Variants in LAS1L observed in about 807,000 individuals in gnomAD.
LAS1L encodes the protein LAS1 like ribosome biogenesis factor.
A neutral mutation model predicts 57.3 loss-of-function variants in LAS1L; 5 were observed. The ratio of observed to expected loss-of-function variants is 0.09; its 90% CI spans 0.05 to 0.18. The LOEUF (loss-of-function observed/expected upper bound fraction) is 0.18, where lower values mean the gene tolerates loss of function less well. Among genes scored for constraint, LAS1L ranks in the 10% least tolerant of loss-of-function variants. The pLI, the probability that LAS1L is intolerant of heterozygous loss-of-function variation, is 1.00. For synonymous variants in LAS1L, 245 were observed against 231.7 expected (o/e 1.06, Z -0.52); for missense variants, 360 against 568.3 (o/e 0.63, Z 3.73).
At position 65,528,374 on chromosome X, in the gene LAS1L, C is replaced by G; in HGVS notation, c.847-5G>C. The G allele has an allele frequency of 9.0e-7, 1 of 1,110,070 alleles. No individual in the cohort carries two copies. The highest frequency in any genetic ancestry group is 1.2e-6 in the Non-Finnish European group (1 of 817,179). 91.5% of individuals were successfully genotyped at this position (1,110,070 alleles called of 1,213,427 possible). Reference sequence around the variant, plus strand: ...ATACCTAAATTTCTCCAGCACCTGCCAGCAAAGAGGGTCCCATCAGAAGGC... The same window carrying G: ...ATACCTAAATTTCTCCAGCACCTGCGAGCAAAGAGGGTCCCATCAGAAGGC... On this transcript the variant is annotated splice_region_variant and splice_polypyrimidine_tract_variant and intron_variant, in intron 6 of 13. Transcript: ENST00000374811.
intron 10 of LAS1L, 97 bp from the exon 11 acceptor site, chrX:65,523,804 C>T: frequency 6.3e-6 from 6 of 959,766 alleles, no homozygotes; most frequent in African/African-American, 3.9e-5. Flanking sequence ...CCCATCCCCC[C>T]AGACTCCCCA....
At chrX:65,528,212 A>G in intron 7 of LAS1L, 48 bp downstream of exon 7, 1 of 813,248 alleles carries the variant, frequency 1.2e-6, no homozygotes, top group Non-Finnish European at 1.8e-6. Context: ...TGAGGCTGCT[A>G]CCCTCTATCC....
intron 11 of LAS1L, among the ~76,000 whole-genome samples, chrX:65,520,084 C>T (rs1342376597): frequency 1.8e-5 from 2 of 111,788 alleles, no homozygotes; most frequent in Non-Finnish European, 3.8e-5. Flanking sequence ...GATTACCCAC[C>T]TGCTATCTCG....
At chrX:65,525,748 CAA>C (rs772564998) in intron 7 of LAS1L, among the ~76,000 whole-genome samples, 13 of 38,220 alleles carry the variant, frequency 3.4e-4, no homozygotes, top group African/African-American at 6.9e-4. Flanking sequence ...TCTGATTTTT[CAA>C]AAAAAAAAAA....
At chrX:65,524,834 A>G (rs2069045592) in intron 8 of LAS1L, 131 bp downstream of exon 8, 1 of 432,769 alleles carries the variant, frequency 2.3e-6, no homozygotes. Context: ...AGGAAGGCTG[A>G]GGGACTTTCA....
At chrX:65,519,352 G>A (rs1051173409) in intron 11 of LAS1L, among the ~76,000 whole-genome samples, 1 of 112,207 alleles carries the variant, frequency 8.9e-6, no homozygotes, top group Non-Finnish European at 1.9e-5. Context: ...CTATGTTTCT[G>A]AAGATCACCA....
In LAS1L at chrX:65,518,307, T is replaced by A. The variant is rs1168800730; in HGVS notation, c.1607A>T (p.Tyr536Phe). The A allele has an allele frequency of 8.3e-7, 1 of 1,210,733 alleles. No individual in the cohort carries two copies. Among genetic ancestry groups the A allele is most frequent in the African/African-American group, 1.7e-5 (1 of 57,378 alleles). The change falls in exon 12 of 14, where the codon TAT becomes TTT. Residue 536 changes from tyrosine to phenylalanine, a missense_variant. By Grantham distance (22) the Tyr-to-Phe change is conservative. Around this residue, in one of 7 missense-constraint regions of LAS1L, gnomAD observed 123 missense variants for 168.3 expected, o/e 0.73. Coordinates refer to ENST00000374811, the MANE Select transcript of LAS1L (RefSeq NM_031206.7). ...GKSPYTLDSL[Y>F]WSVKPASSSF... ...GGAGCTGGCTGGCTTGACGCTCCAA[T>A]ACAGGCTGTCTAGTGTATATGGAGA...
Position 65,512,650 on chromosome X carries a change from G to T in LAS1L, c.*125C>A. On this transcript the variant is annotated 3_prime_UTR_variant, in exon 14 of 14. Transcript: ENST00000374811. ...AAGACATTCAAAATTCCCCTGTGGTGGACAACTGAGTTGATGTGGCTGATC... is the reference window on the plus strand; with the variant it reads ...AAGACATTCAAAATTCCCCTGTGGTTGACAACTGAGTTGATGTGGCTGATC... The T allele has an allele frequency of 1.3e-6, 1 of 781,470 alleles. No homozygotes were observed. The highest frequency in any genetic ancestry group is 3.9e-5 in the Admixed American group (1 of 25,569). The allele number at this position is 781,470 out of a possible 1,213,427, so 64.4% of individuals were successfully genotyped here. A position where few individuals can be genotyped will look rare whatever the true frequency, so the allele number is the denominator to read the frequency against.
At chrX:65,513,159 G>A (rs1036610083) in intron 13 of LAS1L, among the ~76,000 whole-genome samples, 2 of 112,389 alleles carry the variant, frequency 1.8e-5, no homozygotes, top group Admixed American at 1.9e-4. Flanking sequence ...AGATAAACCA[G>A]ATTAAAGCAG....
chrX:65,517,866 T>C (rs2068708498), intron 12 of LAS1L, 121 bp downstream of exon 12: 5 of 1,084,220 alleles, frequency 4.6e-6, no homozygotes, highest in Non-Finnish European at 6.0e-6. Flanking sequence ...CCAGGCTGCC[T>C]TCCAGGCTTG....
At chrX:65,519,901 T>A (rs1379520624) in intron 11 of LAS1L, among the ~76,000 whole-genome samples, 1 of 111,938 alleles carries the variant, frequency 8.9e-6, no homozygotes, top group Non-Finnish European at 1.9e-5. Flanking sequence ...CGATAGTGGC[T>A]CAAATTAAAT....
intron 11 of LAS1L, among the ~76,000 whole-genome samples, chrX:65,519,937 C>T (rs1282964160): frequency 9.0e-6 from 1 of 111,684 alleles, no homozygotes; most frequent in Non-Finnish European, 1.9e-5. Flanking sequence ...GGAGAAAGTG[C>T]TTGAAAAGCT....
rs1182700471 is a variant in LAS1L, at chrX:65,518,168, C to T, written c.1746G>A (p.Glu582=). The change falls in exon 12 of 14, where the codon GAG becomes GAA. Residue 582 remains glutamate, a synonymous_variant. Transcript: ENST00000374811. ...CCTCCTCTTGGTCATCATTTTCTTC[C>T]TCCTCCTCTACCTGGTCTGGCAAGA... ...KEVLPDQVEE[E]EENDDQEEEE... 2 of 1,198,664 alleles carry T rather than the reference C, an allele frequency of 1.7e-6. No homozygotes were observed. Among genetic ancestry groups the T allele is most frequent in the African/African-American group, 3.5e-5 (2 of 56,969 alleles).
chrX:65,514,893 A>G lies in LAS1L; in HGVS notation c.2008T>C (p.Tyr670His), dbSNP rs2068575039. 1 of 1,208,980 alleles carries G rather than the reference A, an allele frequency of 8.3e-7. No individual in the cohort carries two copies. The highest frequency in any genetic ancestry group is 1.7e-5 in the African/African-American group (1 of 57,153). Residue 670 changes from tyrosine to histidine, a missense_variant, in exon 13 of 14, where the codon TAT becomes CAT. Physicochemically the swap from Tyr to His is moderately conservative, Grantham distance 83. Around this residue, in one of 7 missense-constraint regions of LAS1L, gnomAD observed 123 missense variants for 168.3 expected, o/e 0.73. Coordinates refer to ENST00000374811, the MANE Select transcript of LAS1L (RefSeq NM_031206.7). ...TGGTCCAAAAGATACATGGTGTCATAATTCTCCAGCATGAGCTCTGCTGGG... is the reference window on the plus strand; with the variant it reads ...TGGTCCAAAAGATACATGGTGTCATGATTCTCCAGCATGAGCTCTGCTGGG... ...EDPAELMLENYDTMYLLDQPV... is the reference protein window; with the variant it reads ...EDPAELMLENHDTMYLLDQPV...
intron 7 of LAS1L, among the ~76,000 whole-genome samples, chrX:65,526,406 G>A (rs1381472108): frequency 8.9e-6 from 1 of 111,841 alleles, no homozygotes; most frequent in African/African-American, 3.3e-5. Context: ...TGTGTTAGGG[G>A]CATAGTTTTC....
chrX:65,520,377 C>CA (rs1028585756), intron 11 of LAS1L: 23 of 660,699 alleles, frequency 3.5e-5, no homozygotes, highest in Non-Finnish European at 4.0e-5. Flanking sequence ...ACTGCTGTGT[C>CA]AAAGTAAATG....
At chrX:65,528,194 G>T (rs1043142980) in intron 7 of LAS1L, 66 bp downstream of exon 7, 1 of 710,586 alleles carries the variant, frequency 1.4e-6, no homozygotes, top group African/African-American at 2.1e-5. Context: ...TAGGGAAACC[G>T]ATTTCAATGA....
rs1483665077 is a variant in LAS1L at position 65,534,682 on chromosome X, C to T, written c.34G>A (p.Gly12Ser). 1 of 1,181,612 alleles carries T rather than the reference C, an allele frequency of 8.5e-7. No homozygotes were observed. Among genetic ancestry groups the T allele is most frequent in the Admixed American group, 2.4e-5 (1 of 41,424 alleles). The change falls in exon 1 of 14, where the codon GGT becomes AGT. Residue 12 changes from glycine to serine, a missense_variant. By Grantham distance (56) the Gly-to-Ser change is moderately conservative. Coordinates refer to ENST00000374811, the MANE Select transcript of LAS1L (RefSeq NM_031206.7). ...SWESGAGPGL[G>S]SQGMDLVWSA... ...CACACGAGATCCATCCCCTGGGAAC[C>T]TAGACCTGGCCCGGCCCCGGATTCC...
At chrX:65,518,549 C>A in intron 11 of LAS1L, 84 bp from the exon 12 acceptor site, 1 of 1,098,541 alleles carries the variant, frequency 9.1e-7, no homozygotes, top group South Asian at 2.3e-5. Flanking sequence ...TGAACTTGGT[C>A]TCTGAACTTC....
Sources: allele counts gnomAD v4.1 joint callset (sites outside exome capture counted in the v4.1 genomes callset), GRCh38; gene constraint gnomAD v4.1.1; regional missense constraint gnomAD v4.1.1; transcripts MANE v1.5; gene names NCBI Gene and HGNC (gene_info 2026-07-23, HGNC 2026-07-21).